The following ANGPT2 variants were observed in gnomAD, a reference collection of about 807,000 sequenced individuals.
ANGPT2 encodes angiopoietin-2.
Under a neutral mutation model 62.9 loss-of-function variants are expected in ANGPT2, and 28 were observed. The ratio of observed to expected loss-of-function variants is 0.44; its 90% CI spans 0.33 to 0.61. ANGPT2 has a LOEUF of 0.61. Among genes scored for constraint, ANGPT2 ranks in the 20% least tolerant of loss-of-function variants. The pLI is 0.03. For synonymous variants in ANGPT2, 284 were observed against 207.8 expected (o/e 1.37, Z -3.15); for missense variants, 727 against 594.9 (o/e 1.22, Z -2.31).
chr8:6,511,611 A>G (rs1217895726), intron 7 of ANGPT2, among the ~76,000 whole-genome samples: 1 of 152,218 alleles, frequency 6.6e-6, no homozygotes, highest in Non-Finnish European at 1.5e-5. Flanking sequence ...TGCAGTTATG[A>G]GAAGTTTCAG....
intron 5 of ANGPT2, 75 bp downstream of exon 5, chr8:6,519,789 T>G: frequency 6.5e-7 from 1 of 1,539,558 alleles, no homozygotes; most frequent in Admixed American, 1.7e-5. Flanking sequence ...GAGAGACTTC[T>G]GCTCTCTGGT....
intron 8 of ANGPT2, chr8:6,508,649 G>T (rs1012326144): frequency 5.2e-6 from 3 of 580,782 alleles, no homozygotes; most frequent in Non-Finnish European, 9.1e-6. Context: ...AAGCACAAAC[G>T]CAGGAGAGCT....
chr8:6,554,972 T>C (rs1824331166), intron 1 of ANGPT2, among the ~76,000 whole-genome samples: 2 of 152,176 alleles, frequency 1.3e-5, no homozygotes, highest in South Asian at 4.1e-4. Flanking sequence ...ATATTAAAGA[T>C]AGTCGGATGG....
intron 1 of ANGPT2, 95 bp downstream of exon 1, chr8:6,562,552 C>CTTTTTTTTTTCTTTTTTTTTTT (rs1825706009): frequency 1.4e-5 from 1 of 71,748 alleles, no homozygotes; most frequent in African/African-American, 6.3e-5. Context: ...CATCCTCCTT[C>CTTTTTTTTTTCTTTTTTTTTTT]TTTTTTTTTT....
chr8:6,527,560 C>A lies in ANGPT2; in HGVS notation c.561G>T (p.Lys187Asn). ...QTSEINKLQD[K>N]NSFLEKKVLA... Reference sequence around the variant, plus strand: ...TGTTTTAGTACTGTTATTACCTGTTCTTATCTTGCAATTTGTTTATTTCAC... The same window carrying A: ...TGTTTTAGTACTGTTATTACCTGTTATTATCTTGCAATTTGTTTATTTCAC... Residue 187 changes from lysine (K) to asparagine (N), a missense_variant, in exon 3 of 9, where the codon AAG becomes AAT. Coordinates refer to ENST00000629816, the MANE Select transcript of ANGPT2 (RefSeq NM_001118887.2). The A allele has an allele frequency of 6.2e-7, 1 of 1,613,620 alleles. No individual in the cohort carries two copies. The highest frequency in any genetic ancestry group is 1.1e-5 in the South Asian group (1 of 91,024).
intron 8 of ANGPT2, among the ~76,000 whole-genome samples, chr8:6,504,095 G>A (rs1010489276): frequency 6.6e-6 from 1 of 152,114 alleles, no homozygotes; most frequent in African/African-American, 2.4e-5. Flanking sequence ...GAGGTGGGTG[G>A]ATCACGAGAT....
At chr8:6,513,880 T>C in intron 6 of ANGPT2, 36 bp from the exon 7 acceptor site, 5 of 1,564,228 alleles carry the variant, frequency 3.2e-6, no homozygotes, top group Non-Finnish European at 4.3e-6. Context: ...TTATTTCATG[T>C]AATTTTTTCT....
intron 1 of ANGPT2, among the ~76,000 whole-genome samples, chr8:6,557,903 G>A (rs1316505396): frequency 6.6e-6 from 1 of 152,068 alleles, no homozygotes; most frequent in Non-Finnish European, 1.5e-5. Context: ...TCATTTTGTG[G>A]CCAGATATGG....
At chr8:6,531,618 C>G (rs1024574964) in intron 2 of ANGPT2, among the ~76,000 whole-genome samples, 2 of 152,130 alleles carry the variant, frequency 1.3e-5, no homozygotes, top group African/African-American at 2.4e-5. Context: ...AGTCTTCTTT[C>G]TGTTATTATT....
At chr8:6,523,488 C>T (rs1168322001) in intron 3 of ANGPT2, among the ~76,000 whole-genome samples, 1 of 152,174 alleles carries the variant, frequency 6.6e-6, no homozygotes, top group Non-Finnish European at 1.5e-5. Context: ...CCAGAGGAAA[C>T]AAATCCAAGA....
intron 1 of ANGPT2, among the ~76,000 whole-genome samples, chr8:6,536,011 C>T (rs1358916450): frequency 2.0e-5 from 3 of 151,984 alleles, no homozygotes; most frequent in Non-Finnish European, 2.9e-5. Context: ...GAGCCATGAT[C>T]GTGCCACTGC....
rs539798422 is a variant in ANGPT2, at chr8:6,500,974, T to C, written c.*2127A>G. 1 of 152,354 alleles carries C rather than the reference T, an allele frequency of 6.6e-6. No homozygotes were observed. The highest frequency in any genetic ancestry group is 2.4e-5 in the African/African-American group (1 of 41,592). The allele number at this position is 152,354 out of a possible 1,614,324, so 9.4% of individuals were successfully genotyped here. On this transcript the variant is annotated 3_prime_UTR_variant, in exon 9 of 9. Coordinates refer to ENST00000629816, the MANE Select transcript of ANGPT2 (RefSeq NM_001118887.2). ...ATCCATCACTCTTGTCATTGAGATA[T>C]CCTAGAAACTTGTTGTTGTCTTTCG...
intron 1 of ANGPT2, among the ~76,000 whole-genome samples, chr8:6,546,942 T>C (rs1304113682): frequency 1.3e-5 from 2 of 152,236 alleles, no homozygotes; most frequent in Non-Finnish European, 2.9e-5. Flanking sequence ...AAAACAGCCA[T>C]GTTCCTTGCA....
intron 1 of ANGPT2, among the ~76,000 whole-genome samples, chr8:6,539,438 T>C (rs750442090): frequency 3.3e-5 from 5 of 152,176 alleles, no homozygotes; most frequent in Non-Finnish European, 7.3e-5. Flanking sequence ...GGTGCCAATT[T>C]CCTAGTGGGT....
At chr8:6,559,617 G>C (rs1825205049) in intron 1 of ANGPT2, among the ~76,000 whole-genome samples, 1 of 152,062 alleles carries the variant, frequency 6.6e-6, no homozygotes, top group Admixed American at 6.5e-5. Context: ...GTTGTTTATA[G>C]GTATGAGGCA....
chr8:6,538,720 A>G (rs10092206), intron 1 of ANGPT2, among the ~76,000 whole-genome samples: 60,981 of 152,084 alleles, frequency 0.4, 12,788 homozygotes, highest in African/African-American at 0.53. Flanking sequence ...TATTTGTGTC[A>G]TTTCATTTTA....
chr8:6,508,147 C>CT (rs1468213950), intron 8 of ANGPT2: 4 of 152,120 alleles, frequency 2.6e-5, no homozygotes, highest in Non-Finnish European at 5.9e-5. Flanking sequence ...TTAATGGAAT[C>CT]TTTTTTAAAA....
chr8:6,520,087 T>A, intron 4 of ANGPT2, 96 bp from the exon 5 acceptor site: 1 of 1,436,276 alleles, frequency 7.0e-7, no homozygotes, highest in Non-Finnish European at 9.4e-7. Context: ...TTTTATTACT[T>A]TGGAATTCTT....
Position 6,503,056 on chromosome 8 carries a change from T to A in ANGPT2, c.*45A>T, listed in dbSNP as rs1378304857. 2 of 1,609,690 alleles carry A rather than the reference T, an allele frequency of 1.2e-6. No individual in the cohort carries two copies. The highest frequency in any genetic ancestry group is 1.7e-5 in the Admixed American group (1 of 59,882). Reference sequence around the variant, plus strand: ...TGACTTTCAGTGCACTGGGCTTAAGTCTTTGAAAATAGTTCGAGACAGTTC... The same window carrying A: ...TGACTTTCAGTGCACTGGGCTTAAGACTTTGAAAATAGTTCGAGACAGTTC... On this transcript the variant is annotated 3_prime_UTR_variant, in exon 9 of 9. Coordinates refer to ENST00000629816, the MANE Select transcript of ANGPT2 (RefSeq NM_001118887.2).
Sources: allele counts gnomAD v4.1 joint callset (sites outside exome capture counted in the v4.1 genomes callset), GRCh38; gene constraint gnomAD v4.1.1; transcripts MANE v1.5; gene names NCBI Gene and HGNC (gene_info 2026-07-23, HGNC 2026-07-21).